Variants in LRIG1 observed in about 807,000 individuals in gnomAD.
LRIG1 encodes leucine-rich repeats and immunoglobulin-like domains protein 1.
LRIG1 carries 48 observed loss-of-function variants against 99.2 expected under a neutral mutation model. That is an observed-to-expected ratio of 0.48 (90% confidence interval 0.38 to 0.62). The LOEUF (loss-of-function observed/expected upper bound fraction) is 0.62, where lower values mean the gene tolerates loss of function less well. Among genes scored for constraint, LRIG1 ranks in the 20% least tolerant of loss-of-function variants. The pLI is 0.00. For synonymous variants in LRIG1, 772 were observed against 596.1 expected, an observed-to-expected ratio of 1.29 and a Z score of -4.30; for missense variants, 1,646 against 1,434.4, an observed-to-expected ratio of 1.15 and a Z score of -2.38.
intron 1 of LRIG1, among the ~76,000 whole-genome samples, chr3:66,482,604 C>T (rs1425435180): frequency 5.3e-5 from 8 of 152,046 alleles, no homozygotes; most frequent in Non-Finnish European, 8.8e-5. Context: ...GCAGTGGTAC[C>T]GAAAATATTA....
intron 1 of LRIG1, among the ~76,000 whole-genome samples, chr3:66,482,354 A>AG (rs1374875470): frequency 6.6e-6 from 1 of 152,256 alleles, no homozygotes; most frequent in Non-Finnish European, 1.5e-5. Flanking sequence ...AGTGGAGGAC[A>AG]GCAGATGATG....
chr3:66,477,071 T>A (rs536900256), intron 1 of LRIG1, among the ~76,000 whole-genome samples: 2 of 152,344 alleles, frequency 1.3e-5, no homozygotes, highest in African/African-American at 4.8e-5. Flanking sequence ...GAGGGTGTGG[T>A]CAGTTTTATT....
chr3:66,406,511 G>A (rs540920361), intron 8 of LRIG1: 6 of 755,990 alleles, frequency 7.9e-6, no homozygotes, highest in African/African-American at 7.6e-5. Flanking sequence ...TCTGCCAGGT[G>A]CAAGTGCAAA....
At chr3:66,451,410 T>C in intron 3 of LRIG1, 149 bp downstream of exon 3, 2 of 623,424 alleles carry the variant, frequency 3.2e-6, no homozygotes, top group Non-Finnish European at 5.7e-6. Flanking sequence ...AGCAAAGCGT[T>C]TGTCATGATC....
Position 66,390,454 on chromosome 3 carries a change from G to C in LRIG1, c.1468+3586C>G, listed in dbSNP as rs74856151. ...TGAAAGTGACAAAACATGACTGAAA[G>C]AAATTTTTAAGAAGCTAAGAAAAAA... On this transcript the variant is annotated intron_variant, in intron 12 of 18. Transcript: ENST00000273261. 1.5e-4 allele frequency among the ~76,000 whole-genome samples: 23 copies of C among 152,260 alleles called. 1 individual carries two copies. The East Asian group carries it at 3.9e-3, about 26-fold the overall frequency.
chr3:66,403,767 G>C (rs34080181), intron 9 of LRIG1, among the ~76,000 whole-genome samples: 2 of 152,016 alleles, frequency 1.3e-5, no homozygotes, highest in Non-Finnish European at 2.9e-5. Context: ...AGGTTCCTCC[G>C]GACTGACACG....
chr3:66,424,737 C>T (rs986091989), intron 3 of LRIG1, among the ~76,000 whole-genome samples: 1 of 152,226 alleles, frequency 6.6e-6, no homozygotes, highest in Non-Finnish European at 1.5e-5. Context: ...GATGGTTCAG[C>T]TTAACGATTT....
intron 12 of LRIG1, among the ~76,000 whole-genome samples, chr3:66,391,825 C>T (rs1701631524): frequency 6.6e-6 from 1 of 152,158 alleles, no homozygotes; most frequent in African/African-American, 2.4e-5. Flanking sequence ...TACACTACAA[C>T]TCACTCATCT....
At chr3:66,486,357 G>A (rs1383975299) in intron 1 of LRIG1, among the ~76,000 whole-genome samples, 1 of 152,096 alleles carries the variant, frequency 6.6e-6, no homozygotes, top group African/African-American at 2.4e-5. Flanking sequence ...AGGCCCCAGA[G>A]CTGCCTCTTA....
Position 66,386,095 on chromosome 3 carries a change from T to C in LRIG1, c.1675A>G (p.Thr559Ala). Residue 559 changes from threonine (T) to alanine (A), a missense_variant, in exon 13 of 19, where the codon ACC becomes GCC. Physicochemically the swap from Thr to Ala is moderately conservative, Grantham distance 58 (BLOSUM62 0). Coordinates refer to ENST00000273261, the MANE Select transcript of LRIG1 (RefSeq NM_015541.3). Reference sequence around the variant, plus strand: ...ACCTGACGGAGGTGCAGGATGGTGGTGTACTCCATCACTTCCCCGTCCTGC... The same window carrying C: ...ACCTGACGGAGGTGCAGGATGGTGGCGTACTCCATCACTTCCCCGTCCTGC... ...HAQDGEVMEY[T>A]TILHLRQVTF... 4.3e-6 allele frequency: 7 copies of C among 1,614,064 alleles called. No homozygotes were observed. Among genetic ancestry groups the C allele is most frequent in the Non-Finnish European group, 5.9e-6 (7 of 1,179,960 alleles).
At chr3:66,499,422 C>T (rs1191667747) in intron 1 of LRIG1, among the ~76,000 whole-genome samples, 2 of 152,204 alleles carry the variant, frequency 1.3e-5, no homozygotes, top group African/African-American at 2.4e-5. Flanking sequence ...GGGTGGGCCC[C>T]ACCCCACTGG....
chr3:66,422,700 C>T (rs957099495), intron 3 of LRIG1, among the ~76,000 whole-genome samples: 6 of 152,212 alleles, frequency 3.9e-5, no homozygotes, highest in Non-Finnish European at 8.8e-5. Flanking sequence ...TCCAAAGTCA[C>T]TTCCACATTT....
chr3:66,436,198 C>T (rs980454683), intron 3 of LRIG1, among the ~76,000 whole-genome samples: 3 of 152,196 alleles, frequency 2.0e-5, no homozygotes, highest in African/African-American at 7.2e-5. Context: ...TCCAGCACTA[C>T]TTGGCCAAGG....
At chr3:66,399,115 A>AG (rs1302951433) in intron 9 of LRIG1, 74 bp from the exon 10 acceptor site, 22 of 1,240,824 alleles carry the variant, frequency 1.8e-5, no homozygotes, top group Non-Finnish European at 2.3e-5. Flanking sequence ...AGAAAGAAAA[A>AG]GAAAAAGAAA....
At chr3:66,412,841 A>G in intron 6 of LRIG1, 30 bp downstream of exon 6, 1 of 1,612,762 alleles carries the variant, frequency 6.2e-7, no homozygotes, top group South Asian at 1.1e-5. Context: ...AGCAATCCTT[A>G]GCAATGCCAG....
chr3:66,399,058 T>C lies in LRIG1; in HGVS notation c.1161-17A>G. The C allele has an allele frequency of 6.2e-7, 1 of 1,608,456 alleles. No individual in the cohort carries two copies. The highest frequency in any genetic ancestry group is 8.5e-7 in the Non-Finnish European group (1 of 1,175,174). On this transcript the variant is annotated splice_polypyrimidine_tract_variant and intron_variant, in intron 9 of 18. Coordinates refer to ENST00000273261, the MANE Select transcript of LRIG1 (RefSeq NM_015541.3). ...AACAGAGTCCTGTAGTTTCCAAACA[T>C]CCAGAAATTAAGGCCAGGGAAGGAA...
At chr3:66,472,042 T>C (rs759817442) in intron 1 of LRIG1, among the ~76,000 whole-genome samples, 24 of 152,130 alleles carry the variant, frequency 1.6e-4, no homozygotes, top group Non-Finnish European at 2.4e-4. Flanking sequence ...TGGTGGCTCA[T>C]GCCTGTAATC....
intron 11 of LRIG1, among the ~76,000 whole-genome samples, chr3:66,396,561 G>C (rs1353712414): frequency 6.6e-6 from 1 of 152,206 alleles, no homozygotes; most frequent in East Asian, 1.9e-4. Flanking sequence ...CTCCAGCGAG[G>C]TATATGCAGC....
At chr3:66,388,718 A>G (rs923581605) in intron 12 of LRIG1, among the ~76,000 whole-genome samples, 1 of 152,240 alleles carries the variant, frequency 6.6e-6, no homozygotes, top group African/African-American at 2.4e-5. Context: ...TACTGAAAGA[A>G]AAACGTTCAA....
Sources: gnomAD v4.1 joint callset for allele counts (sites outside exome capture counted in the v4.1 genomes callset) on GRCh38, gnomAD v4.1.1 for gene constraint, MANE v1.5 for transcripts, NCBI Gene and HGNC (gene_info 2026-07-23, HGNC 2026-07-21) for gene names.